Variants in AOAH observed in about 807,000 individuals in gnomAD.
AOAH encodes acyloxyacyl hydrolase.
AOAH carries 64 observed loss-of-function variants against 92.2 expected under a neutral mutation model. The observed-to-expected ratio is 0.69, with a 90% CI of 0.57 to 0.86. The LOEUF is 0.86. Ranked by LOEUF, AOAH falls within the 40% of genes least tolerant of loss-of-function variation. The pLI is 0.00. For missense variants in AOAH, 656 were observed against 694.6 expected (o/e 0.94, Z 0.62); for synonymous variants, 263 against 254.5 (o/e 1.03, Z -0.32).
At chr7:36,669,012 T>C (rs1460969461) in intron 3 of AOAH, among the ~76,000 whole-genome samples, 1 of 152,210 alleles carries the variant, frequency 6.6e-6, no homozygotes, top group Non-Finnish European at 1.5e-5. Context: ...AGCTAATTGA[T>C]TGCTTGAATT....
chr7:36,646,807 T>G (rs953388370), intron 4 of AOAH, among the ~76,000 whole-genome samples: 1 of 152,200 alleles, frequency 6.6e-6, no homozygotes, highest in East Asian at 1.9e-4. Context: ...CTGATCCTAA[T>G]GCTTGCCTCT....
At chr7:36,674,905 G>T (rs1796144097) in intron 2 of AOAH, among the ~76,000 whole-genome samples, 1 of 152,224 alleles carries the variant, frequency 6.6e-6, no homozygotes, top group South Asian at 2.1e-4. Context: ...TATTATTTTT[G>T]TATTAAAATA....
intron 1 of AOAH, among the ~76,000 whole-genome samples, chr7:36,711,110 G>A (rs1196257322): frequency 6.6e-6 from 1 of 152,090 alleles, no homozygotes; most frequent in Non-Finnish European, 1.5e-5. Flanking sequence ...AGAAAGTGTG[G>A]AAAATTCAGA....
intron 1 of AOAH, among the ~76,000 whole-genome samples, chr7:36,691,394 T>C (rs1486167315): frequency 6.6e-6 from 1 of 152,200 alleles, no homozygotes; most frequent in Non-Finnish European, 1.5e-5. Context: ...TTCCCTAAGA[T>C]GCTAGTTACT....
At chr7:36,582,464 T>G (rs1384823722) in intron 12 of AOAH, among the ~76,000 whole-genome samples, 2 of 152,182 alleles carry the variant, frequency 1.3e-5, no homozygotes, top group Non-Finnish European at 2.9e-5. Context: ...TGATTGGGTT[T>G]TGATTTCTAG....
intron 4 of AOAH, among the ~76,000 whole-genome samples, chr7:36,655,370 G>A (rs1017362570): frequency 1.3e-5 from 2 of 152,108 alleles, no homozygotes; most frequent in Admixed American, 1.3e-4. Flanking sequence ...TTACAGAGAA[G>A]GTGACCATTG....
chr7:36,583,722 A>G (rs966121464), intron 12 of AOAH, among the ~76,000 whole-genome samples: 1 of 152,210 alleles, frequency 6.6e-6, no homozygotes, highest in Non-Finnish European at 1.5e-5. Flanking sequence ...TCAATAATTC[A>G]TGAGCTGCTG....
intron 1 of AOAH, among the ~76,000 whole-genome samples, chr7:36,710,902 T>A (rs561328332): frequency 1.3e-5 from 2 of 151,818 alleles, no homozygotes; most frequent in African/African-American, 4.8e-5. Flanking sequence ...CCAAGCACAG[T>A]TCTAAGTGAC....
At chr7:36,699,214 C>A (rs1482139516) in intron 1 of AOAH, among the ~76,000 whole-genome samples, 1 of 152,072 alleles carries the variant, frequency 6.6e-6, no homozygotes, top group Non-Finnish European at 1.5e-5. Flanking sequence ...CATTGATGGG[C>A]ACTGAGGTTG....
intron 16 of AOAH, among the ~76,000 whole-genome samples, chr7:36,534,332 C>G (rs185529389): frequency 2.2e-4 from 34 of 152,344 alleles, no homozygotes; most frequent in African/African-American, 7.2e-4. Context: ...TGTCGCCTGG[C>G]TCCACCTCCA....
At chr7:36,622,964 C>T (rs1189887499) in intron 7 of AOAH, among the ~76,000 whole-genome samples, 3 of 152,146 alleles carry the variant, frequency 2.0e-5, no homozygotes, top group African/African-American at 7.2e-5. Context: ...TACTTGAAAC[C>T]AGGAGGCAGA....
intron 11 of AOAH, among the ~76,000 whole-genome samples, chr7:36,605,136 T>G (rs1240383822): frequency 6.6e-6 from 1 of 152,104 alleles, no homozygotes; most frequent in Non-Finnish European, 1.5e-5. Context: ...ATGATTTCCC[T>G]AGGAAATCAT....
intron 4 of AOAH, among the ~76,000 whole-genome samples, chr7:36,639,997 G>A (rs1219373634): frequency 6.6e-6 from 1 of 152,202 alleles, no homozygotes; most frequent in Non-Finnish European, 1.5e-5. Flanking sequence ...AACAGGATGT[G>A]GCAAGTGCTG....
chr7:36,646,350 C>T (rs947144415), intron 4 of AOAH, among the ~76,000 whole-genome samples: 3 of 152,178 alleles, frequency 2.0e-5, no homozygotes, highest in African/African-American at 7.2e-5. Flanking sequence ...ACAAGCTCTC[C>T]AGTACTAGGC....
At chr7:36,567,787 T>A (rs1201780176) in intron 13 of AOAH, among the ~76,000 whole-genome samples, 1 of 152,156 alleles carries the variant, frequency 6.6e-6, no homozygotes, top group African/African-American at 2.4e-5. Context: ...GAGGAAGCAA[T>A]TTTTTTCCGT....
At chr7:36,622,334 CATTGGATAATTTAAA>C (rs1333404505) in intron 7 of AOAH, among the ~76,000 whole-genome samples, 2 of 152,202 alleles carry the variant, frequency 1.3e-5, no homozygotes, top group Admixed American at 1.3e-4. Flanking sequence ...TGATTAATTT[CATTGGATAATTTAAA>C]AGTCTCTAGC....
At chr7:36,650,041 G>A (rs553014722) in intron 4 of AOAH, among the ~76,000 whole-genome samples, 51 of 152,244 alleles carry the variant, frequency 3.3e-4, no homozygotes, top group Non-Finnish European at 6.6e-4. Context: ...TGGAATCCGT[G>A]AGGCCAAGAA....
intron 3 of AOAH, among the ~76,000 whole-genome samples, chr7:36,664,876 A>G (rs1002001490): frequency 1.1e-4 from 16 of 152,210 alleles, no homozygotes; most frequent in African/African-American, 3.4e-4. Flanking sequence ...GAAGTATCAC[A>G]TGAAGAATGA....
chr7:36,685,984 A>C (rs1459388253), intron 2 of AOAH, among the ~76,000 whole-genome samples: 1 of 152,156 alleles, frequency 6.6e-6, no homozygotes. Context: ...CTTAACAGAA[A>C]AAATAATGTA....
Sources: gnomAD v4.1 joint callset for allele counts (sites outside exome capture counted in the v4.1 genomes callset) on GRCh38, gnomAD v4.1.1 for gene constraint, MANE v1.5 for transcripts, NCBI Gene and HGNC (gene_info 2026-07-23, HGNC 2026-07-21) for gene names.